The following PPP1R16A variants were observed in gnomAD, a reference collection of about 807,000 sequenced individuals.
The protein encoded by PPP1R16A is myosin phosphatase-targeting subunit 3.
PPP1R16A carries 39 observed loss-of-function variants against 46.6 expected under a neutral mutation model. The observed-to-expected ratio is 0.84, with a 90% CI of 0.65 to 1.09. PPP1R16A has a LOEUF of 1.09. PPP1R16A is among the 50% of genes least tolerant of loss of function. The pLI is 0.00. For synonymous variants in PPP1R16A, 413 were observed against 321.5 expected (o/e 1.28, Z -3.04); for missense variants, 798 against 735.6 (o/e 1.08, Z -0.98).
intron 5 of PPP1R16A, 188 bp from the exon 6 acceptor site, chr8:144,499,908 T>C: frequency 1.7e-6 from 1 of 601,028 alleles, no homozygotes; most frequent in East Asian, 2.8e-5. Flanking sequence ...AGGAGGCCTG[T>C]CTGGCTTAAT....
intron 3 of PPP1R16A, 106 bp downstream of exon 3, chr8:144,497,559 G>T: frequency 6.7e-7 from 1 of 1,497,258 alleles, no homozygotes; most frequent in Non-Finnish European, 9.1e-7. Flanking sequence ...CACAGCTCCT[G>T]GGCTCCAGCC....
At position 144,499,019 on chromosome 8, in the gene PPP1R16A, C is replaced by T. The variant is rs140350060; in HGVS notation, c.434C>T (p.Ala145Val). The T allele has an allele frequency of 1.9e-6, 3 of 1,589,688 alleles. No individual in the cohort carries two copies. Among genetic ancestry groups the T allele is most frequent in the African/African-American group, 1.3e-5 (1 of 74,760 alleles). Residue 145 changes from alanine (A) to valine (V), a missense_variant, in exon 5 of 12, where the codon GCC becomes GTC. Ala to Val is a moderately conservative substitution (Grantham distance 64, BLOSUM62 0). Coordinates refer to ENST00000435887, the MANE Select transcript of PPP1R16A (RefSeq NM_001329443.2). ...TGCTGGACGCCTCTGCATGCTGCGG[C>T]CACCTGCGGCCACCTGCACCTGGTG... The part of the protein sequence containing the change: ...SECWTPLHAA[A>V]TCGHLHLVEL...
chr8:144,498,448 G>A (rs1224582276), intron 3 of PPP1R16A: 2 of 394,166 alleles, frequency 5.1e-6, no homozygotes, highest in Non-Finnish European at 9.4e-6. Flanking sequence ...TCCAGGCAGG[G>A]AGCTCTTCCT....
chr8:144,491,867 G>A (rs1825822641), intron 2 of PPP1R16A, among the ~76,000 whole-genome samples: 1 of 151,998 alleles, frequency 6.6e-6, no homozygotes, highest in Non-Finnish European at 1.5e-5. Context: ...GGGAGGTCGA[G>A]GCTACAGCGA....
intron 5 of PPP1R16A, chr8:144,499,577 C>T (rs1007369411): frequency 5.4e-5 from 10 of 185,836 alleles, no homozygotes; most frequent in East Asian, 1.5e-4. Flanking sequence ...CCTGTGAGGC[C>T]GGGTGGGGTG....
At chr8:144,501,015 CGGACGTCAGCCCCGG>C in intron 10 of PPP1R16A, 44 bp downstream of exon 10, 4 of 1,462,308 alleles carry the variant, frequency 2.7e-6, no homozygotes, top group Non-Finnish European at 3.6e-6. Flanking sequence ...CTTGGCCCCG[CGGACGTCAGCCCCGG>C]GCGGAGTGCC....
Position 144,501,883 on chromosome 8 carries a change from C to A in PPP1R16A, c.1567C>A (p.Pro523Thr). Residue 523 changes from proline (P) to threonine (T), a missense_variant, in exon 12 of 12, where the codon CCG becomes ACG. Coordinates refer to ENST00000435887, the MANE Select transcript of PPP1R16A (RefSeq NM_001329443.2). ...PAVEAPVERR[P>T]CCLLM is the part of the protein sequence containing the mutation. Reference sequence around the variant, plus strand: ...GGTGGAGGCTCCCGTGGAGAGGAGGCCGTGCTGCCTGCTCATGTGAGGCTG... The same window carrying A: ...GGTGGAGGCTCCCGTGGAGAGGAGGACGTGCTGCCTGCTCATGTGAGGCTG... 6.5e-7 allele frequency: 1 copy of A among 1,534,132 alleles called. No homozygotes were observed.
chr8:144,485,361 G>A (rs1456467110), intron 1 of PPP1R16A, among the ~76,000 whole-genome samples: 2 of 151,334 alleles, frequency 1.3e-5, no homozygotes, highest in Non-Finnish European at 1.5e-5. Context: ...TGTCTCTACT[G>A]AAAATACAAA....
intron 1 of PPP1R16A, among the ~76,000 whole-genome samples, chr8:144,488,788 G>A (rs1825702048): frequency 6.6e-6 from 1 of 151,830 alleles, no homozygotes; most frequent in African/African-American, 2.4e-5. Flanking sequence ...GGGGACTCCA[G>A]GCCTCAGCCA....
intron 11 of PPP1R16A, 79 bp downstream of exon 11, chr8:144,501,373 T>C (rs1256950440): frequency 1.4e-5 from 21 of 1,500,158 alleles, no homozygotes; most frequent in Non-Finnish European, 1.6e-5. Flanking sequence ...TTGGACCCCC[T>C]CCTGCCTGTG....
chr8:144,479,368 G>A (rs1343550371), intron 1 of PPP1R16A: 2 of 153,076 alleles, frequency 1.3e-5, no homozygotes, highest in African/African-American at 4.8e-5. Context: ...GGTTGGGATG[G>A]GGGTGGCTTT....
chr8:144,484,561 T>C (rs934531128), intron 1 of PPP1R16A, among the ~76,000 whole-genome samples: 9 of 152,380 alleles, frequency 5.9e-5, no homozygotes, highest in Admixed American at 3.3e-4. Flanking sequence ...GCTTCTTTCA[T>C]TTAGGCATCT....
At chr8:144,501,054 G>A (rs1826419561) in intron 10 of PPP1R16A, 75 bp from the exon 11 acceptor site, 4 of 1,537,892 alleles carry the variant, frequency 2.6e-6, no homozygotes, top group African/African-American at 1.4e-5. Context: ...CGAACTGGGG[G>A]CAGAGTCCGA....
rs767695530 is a variant in PPP1R16A at position 144,499,053 on chromosome 8, C to T, written c.468C>T (p.Leu156=). The T allele has an allele frequency of 6.3e-6, 10 of 1,579,540 alleles. No homozygotes were observed. Among genetic ancestry groups the T allele is most frequent in the Non-Finnish European group, 7.8e-6 (9 of 1,160,038 alleles). Residue 156 remains leucine (L), a synonymous_variant, in exon 5 of 12, where the codon CTC becomes CTT. Transcript: ENST00000435887. ...TCGHLHLVEL[L]IASGANLLAV... ...GCCACCTGCACCTGGTGGAGCTGCTCATCGCCAGGTAGGGCCTGTTGGGCG... is the reference window on the plus strand; with the variant it reads ...GCCACCTGCACCTGGTGGAGCTGCTTATCGCCAGGTAGGGCCTGTTGGGCG...
chr8:144,490,830 G>A (rs1825784184), intron 2 of PPP1R16A, among the ~76,000 whole-genome samples: 1 of 152,200 alleles, frequency 6.6e-6, no homozygotes, highest in Non-Finnish European at 1.5e-5. Context: ...TGAGGCAGGA[G>A]GGTCGCGTCA....
At chr8:144,499,950 G>A in intron 5 of PPP1R16A, 146 bp from the exon 6 acceptor site, 1 of 739,116 alleles carries the variant, frequency 1.4e-6, no homozygotes, top group Middle Eastern at 3.7e-4. Context: ...TGGGCCCCAA[G>A]GCTGCCTCTC....
intron 9 of PPP1R16A, 32 bp from the exon 10 acceptor site, chr8:144,500,810 G>A (rs561474610): frequency 6.3e-7 from 1 of 1,597,260 alleles, no homozygotes; most frequent in East Asian, 2.3e-5. Context: ...CAGGCGGGGA[G>A]GGCGCCCCTG....
Position 144,493,580 on chromosome 8 carries a change from C to A in PPP1R16A, c.-734-2881C>A, listed in dbSNP as rs1437603803. 6.6e-6 allele frequency among the ~76,000 whole-genome samples: 1 copy of A among 152,180 alleles called. No individual in the cohort carries two copies. Among genetic ancestry groups the A allele is most frequent in the Non-Finnish European group, 1.5e-5 (1 of 68,014 alleles). Reference sequence around the variant, plus strand: ...AGGGAGGCAGTCTTTCCTTCTGGAGCCCTCAGCCCACTGCCGTGGGCCTTC... The same window carrying A: ...AGGGAGGCAGTCTTTCCTTCTGGAGACCTCAGCCCACTGCCGTGGGCCTTC... On this transcript the variant is annotated intron_variant, in intron 2 of 11. Coordinates refer to ENST00000435887, the MANE Select transcript of PPP1R16A (RefSeq NM_001329443.2). This position sits in a 1 kb window ranked among gnomAD's most constrained non-coding sequence, Gnocchi z 4.3.
chr8:144,501,038 G>T, intron 10 of PPP1R16A, 67 bp downstream of exon 10: 1 of 1,515,464 alleles, frequency 6.6e-7, no homozygotes, highest in African/African-American at 1.4e-5. Context: ...CGGGCGGAGT[G>T]CCAGCCGAAC....
Sources: allele counts gnomAD v4.1 joint callset (sites outside exome capture counted in the v4.1 genomes callset), GRCh38; gene constraint gnomAD v4.1.1; non-coding constraint Gnocchi (gnomAD v3.1); transcripts MANE v1.5; gene names NCBI Gene and HGNC (gene_info 2026-07-23, HGNC 2026-07-21).